RNF144A: variants seen among roughly 807,000 people sequenced by gnomAD.
RNF144A encodes E3 ubiquitin-protein ligase RNF144A.
Under a neutral mutation model 38.7 loss-of-function variants are expected in RNF144A, and 11 were observed. The observed-to-expected ratio is 0.28, with a 90% confidence interval of 0.18 to 0.47. The LOEUF (loss-of-function observed/expected upper bound fraction) is 0.47. Ranked by LOEUF, RNF144A falls within the 20% of genes least tolerant of loss-of-function variation. The probability of loss-of-function intolerance (pLI) is 0.99; values close to 1 mark genes in which losing one functional copy is unlikely to be tolerated. For missense variants in RNF144A, 316 were observed against 377.2 expected, an observed-to-expected ratio of 0.84 and a Z score of 1.34; for synonymous variants, 149 against 143.9, an observed-to-expected ratio of 1.04 and a Z score of -0.25.
chr2:7,060,267 T>TG (rs1464766199), intron 6 of RNF144A, among the ~76,000 whole-genome samples: 1 of 152,178 alleles, frequency 6.6e-6, no homozygotes, highest in Non-Finnish European at 1.5e-5. Flanking sequence ...TGTTTTGTTT[T>TG]TTTTTTTCTT....
chr2:6,950,163 C>T (rs1399557158), intron 2 of RNF144A, among the ~76,000 whole-genome samples: 3 of 152,154 alleles, frequency 2.0e-5, no homozygotes, highest in Admixed American at 6.6e-5. Context: ...ACGAGAGCAT[C>T]GTTGATGTGA....
chr2:7,060,454 T>C (rs1365527089), intron 6 of RNF144A, among the ~76,000 whole-genome samples: 2 of 152,194 alleles, frequency 1.3e-5, no homozygotes, highest in African/African-American at 4.8e-5. Context: ...GGTTCTTGCT[T>C]TTGTTACCTT....
chr2:6,949,421 T>A (rs1329644319), intron 2 of RNF144A, among the ~76,000 whole-genome samples: 1 of 151,096 alleles, frequency 6.6e-6, no homozygotes, highest in East Asian at 1.9e-4. Context: ...TTTTTTTTTT[T>A]AAGGAAATCA....
At chr2:6,978,287 A>G (rs1287773669) in intron 2 of RNF144A, among the ~76,000 whole-genome samples, 3 of 152,212 alleles carry the variant, frequency 2.0e-5, no homozygotes, top group Non-Finnish European at 2.9e-5. Flanking sequence ...CTGTAATTCT[A>G]TATTAATGAT....
At chr2:7,058,288 A>G (rs1572490956) in intron 6 of RNF144A, among the ~76,000 whole-genome samples, 1 of 151,558 alleles carries the variant, frequency 6.6e-6, no homozygotes. Context: ...CGAGGGTAAC[A>G]TGAGCTATGG....
At chr2:6,922,875 C>T (rs551122526) in intron 1 of RNF144A, among the ~76,000 whole-genome samples, 12 of 151,800 alleles carry the variant, frequency 7.9e-5, no homozygotes, top group East Asian at 5.8e-4. Flanking sequence ...CCGCCCGCCT[C>T]GGCCTCCCAA....
intron 3 of RNF144A, among the ~76,000 whole-genome samples, chr2:7,004,075 G>T (rs573460811): frequency 2.0e-5 from 3 of 152,314 alleles, no homozygotes; most frequent in African/African-American, 7.2e-5. Context: ...GGGACTCTTT[G>T]GTCTCTGAAC....
chr2:6,958,647 AG>A lies in RNF144A; in HGVS notation c.-12+17502del, dbSNP rs528456403. On this transcript the variant is annotated intron_variant, in intron 2 of 8. Transcript: ENST00000320892. The surrounding 1 kb of genome is among the most constrained non-coding windows in gnomAD (Gnocchi z 4.5). Reference sequence around the variant, plus strand: ...GGACGTTGAGGTACAAAGCTGAAGAAGGTTCAGTGTTCATGATTCTGGGGGA... The same window carrying A: ...GGACGTTGAGGTACAAAGCTGAAGAAGTTCAGTGTTCATGATTCTGGGGGA... Among the ~76,000 whole-genome samples the A allele has an allele frequency of 1.8e-3, 280 of 152,226 alleles. 1 individual carries two copies. Among genetic ancestry groups the A allele is most frequent in the African/African-American group, 6.6e-3 (274 of 41,558 alleles).
chr2:6,991,723 G>A (rs1797554), intron 2 of RNF144A, among the ~76,000 whole-genome samples: 45,326 of 151,932 alleles, frequency 0.3, 6,984 homozygotes, highest in African/African-American at 0.36. Context: ...TGCAAATGGC[G>A]AACGCAATGT....
At chr2:7,028,063 C>T (rs1359512916) in intron 7 of RNF144A, among the ~76,000 whole-genome samples, 1 of 152,082 alleles carries the variant, frequency 6.6e-6, no homozygotes, top group South Asian at 2.1e-4. Context: ...ACGATCCGGA[C>T]ACATTGCTAT....
intron 1 of RNF144A, among the ~76,000 whole-genome samples, chr2:6,918,879 A>G (rs1487639910): frequency 6.6e-6 from 1 of 151,214 alleles, no homozygotes; most frequent in Non-Finnish European, 1.5e-5. Context: ...AACTATCCCC[A>G]GTGGATCCCT....
At chr2:6,933,635 G>A (rs1420905991) in intron 1 of RNF144A, among the ~76,000 whole-genome samples, 1 of 150,470 alleles carries the variant, frequency 6.6e-6, no homozygotes, top group Non-Finnish European at 1.5e-5. Context: ...AAAAAATGGA[G>A]AATAAAATTC....
At chr2:7,026,464 T>A (rs2103438859) in intron 7 of RNF144A, among the ~76,000 whole-genome samples, 1 of 151,932 alleles carries the variant, frequency 6.6e-6, no homozygotes, top group African/African-American at 2.4e-5. Flanking sequence ...GCCTTCAAGG[T>A]CTTATTTATT....
intron 1 of RNF144A, among the ~76,000 whole-genome samples, chr2:6,938,588 C>A (rs898727194): frequency 6.6e-6 from 1 of 152,134 alleles, no homozygotes; most frequent in African/African-American, 2.4e-5. Context: ...AAATGGAATT[C>A]ACATAGCATA....
chr2:7,028,153 A>T (rs1672047359), intron 7 of RNF144A, among the ~76,000 whole-genome samples: 1 of 152,180 alleles, frequency 6.6e-6, no homozygotes, highest in African/African-American at 2.4e-5. Context: ...TCTGGGGGCC[A>T]GTGGGTAGCT....
intron 2 of RNF144A, among the ~76,000 whole-genome samples, chr2:6,967,387 G>A (rs1468505803): frequency 2.2e-4 from 34 of 152,246 alleles, no homozygotes; most frequent in Non-Finnish European, 2.9e-5. Context: ...AGTGTTATGG[G>A]GGAAGAGGAT....
the RNF144A span, chr2:7,074,490 T>C: frequency 6.6e-6 from 1 of 152,264 alleles, no homozygotes; most frequent in African/African-American, 2.4e-5. Flanking sequence ...CATTCAATTG[T>C]ACTTACAGCT....
At chr2:7,047,843 A>G (rs1482160690), downstream of RNF144A, among the ~76,000 whole-genome samples, 5 of 152,174 alleles carry the variant, frequency 3.3e-5, no homozygotes, top group African/African-American at 9.7e-5. Context: ...TCTTATCTTC[A>G]TATCACTGGG....
At chr2:6,995,197 G>C (rs1055188569) in intron 2 of RNF144A, among the ~76,000 whole-genome samples, 2 of 152,004 alleles carry the variant, frequency 1.3e-5, no homozygotes, top group African/African-American at 4.8e-5. Flanking sequence ...ACTTGAGAAA[G>C]GGATGATGTA....
Sources: gnomAD v4.1 joint callset for allele counts (sites outside exome capture counted in the v4.1 genomes callset) on GRCh38, gnomAD v4.1.1 for gene constraint, Gnocchi (gnomAD v3.1) non-coding constraint, MANE v1.5 for transcripts, NCBI Gene and HGNC (gene_info 2026-07-23, HGNC 2026-07-21) for gene names.